Variants in USP36 observed in about 807,000 individuals in gnomAD.
The protein encoded by USP36 is ubiquitin carboxyl-terminal hydrolase 36.
USP36 carries 59 observed loss-of-function variants against 111.5 expected under a neutral mutation model. The observed-to-expected ratio is 0.53, with a 90% confidence interval of 0.43 to 0.66. USP36 has a LOEUF of 0.66. USP36 is among the 30% of genes least tolerant of loss of function. The pLI is 0.00. For synonymous variants in USP36, 628 were observed against 581.0 expected, an observed-to-expected ratio of 1.08 and a Z score of -1.16; for missense variants, 1,488 against 1,468.0, an observed-to-expected ratio of 1.01 and a Z score of -0.22.
In USP36 at chr17:78,807,523, T is replaced by C. The variant is rs1219767735; in HGVS notation, c.1521A>G (p.Pro507=). Residue 507 remains proline (P), a synonymous_variant, in exon 14 of 21, where the codon CCA becomes CCG. Transcript: ENST00000449938. ...GGGAAGGGGACCCCGAGGGCAGCTT[T>C]GGAGGAATGCAGCCGTTCTGGGACT... ...GLKSQNGCIP[P]KLPSGSPSPK... is the part of the protein sequence containing the mutation. The C allele has an allele frequency of 6.2e-7, 1 of 1,613,668 alleles. No homozygotes were observed. Among genetic ancestry groups the C allele is most frequent in the Non-Finnish European group, 8.5e-7 (1 of 1,179,834 alleles).
chr17:78,814,360 T>C (rs1053573577), intron 11 of USP36, 52 bp downstream of exon 11: 6 of 1,606,102 alleles, frequency 3.7e-6, no homozygotes, highest in African/African-American at 1.3e-5. Flanking sequence ...TGGATGTGCA[T>C]GGGTGCTGAA....
chr17:78,840,555 G>C (rs1172474819), intron 1 of USP36, 181 bp downstream of exon 1: 3 of 152,272 alleles, frequency 2.0e-5, no homozygotes, highest in Non-Finnish European at 4.4e-5. Flanking sequence ...GCTCGCGAGC[G>C]GGCGGAGCAT....
chr17:78,828,631 A>C (rs2067797076), intron 5 of USP36, among the ~76,000 whole-genome samples: 2 of 152,098 alleles, frequency 1.3e-5, no homozygotes, highest in Non-Finnish European at 2.9e-5. Flanking sequence ...GATTCCCAAG[A>C]CTTCATCCAT....
At chr17:78,819,554 C>T (rs966653274) in intron 9 of USP36, among the ~76,000 whole-genome samples, 3 of 152,270 alleles carry the variant, frequency 2.0e-5, no homozygotes, top group East Asian at 3.8e-4. Context: ...CTGGGGCGGC[C>T]GCCCGGTGCC....
downstream of USP36, chr17:78,792,151 G>A (rs2093589114): frequency 6.6e-6 from 1 of 152,392 alleles, no homozygotes; most frequent in Non-Finnish European, 1.5e-5. Context: ...GCTAGACTAA[G>A]AACCACAGAG....
downstream of USP36, among the ~76,000 whole-genome samples, chr17:78,791,474 C>CT (rs2093583841): frequency 1.3e-5 from 2 of 152,206 alleles, no homozygotes; most frequent in South Asian, 4.1e-4. Flanking sequence ...CCTGACCCTA[C>CT]TTTAATCCCT....
chr17:78,802,463 TCTTTTTTTC>T lies in USP36; in HGVS notation c.2874_2882del (p.Lys960_Lys962del). Reference sequence around the variant, plus strand: ...CTACTGCCCGCTGTGTCTCCTGCTTTCTTTTTTTCTTTTTCTTTTTCCTTGGAGACTCTT... The same window carrying T: ...CTACTGCCCGCTGTGTCTCCTGCTTTTTTTTCTTTTTCCTTGGAGACTCTT... On this transcript the variant is annotated inframe_deletion, in exon 17 of 21. Coordinates refer to ENST00000449938, the MANE Select transcript of USP36 (RefSeq NM_001385174.1). The T allele has an allele frequency of 6.3e-7, 1 of 1,580,958 alleles. No individual in the cohort carries two copies.
chr17:78,821,061 A>G lies in USP36; in HGVS notation c.758T>C (p.Val253Ala). Residue 253 changes from valine (V) to alanine (A), a missense_variant and splice_region_variant, in exon 8 of 21, where the codon GTG becomes GCG. Physicochemically the swap from Val to Ala is moderately conservative, Grantham distance 64. Around this residue, in one of 3 missense-constraint regions of USP36, gnomAD observed 196 missense variants for 264.4 expected, o/e 0.74. Transcript: ENST00000449938. Reference sequence around the variant, plus strand: ...GACGCTCTTGCACACGGAGCACTTCACTGCAACAGAACAGAGGCAGTGGAG... The same window carrying G: ...GACGCTCTTGCACACGGAGCACTTCGCTGCAACAGAACAGAGGCAGTGGAG... Reference protein sequence around the residue: ...QIFGGYLRSRVKCSVCKSVSD... With the variant: ...QIFGGYLRSRAKCSVCKSVSD... 1 of 1,599,458 alleles carries G rather than the reference A, an allele frequency of 6.3e-7. No homozygotes were observed. Among genetic ancestry groups the G allele is most frequent in the Middle Eastern group, 1.7e-4 (1 of 6,054 alleles).
intron 10 of USP36, among the ~76,000 whole-genome samples, chr17:78,816,542 C>T (rs1347969142): frequency 2.6e-5 from 4 of 151,918 alleles, no homozygotes; most frequent in Admixed American, 1.3e-4. Flanking sequence ...AGGAGAATCG[C>T]TTGAACTTGG....
rs564116537 is a variant in USP36, at chr17:78,799,324, A to C, written c.3125-301T>G. Among the ~76,000 whole-genome samples, 4 of 152,280 alleles carry C rather than the reference A, an allele frequency of 2.6e-5. No homozygotes were observed. The South Asian group carries it at 8.3e-4, about 32-fold the overall frequency. ...ATGTCATGTTTGGTCTCGAAGTCTG[A>C]ATAAAAACATGCTCTGAGCAAGAAG... On this transcript the variant is annotated intron_variant, in intron 18 of 20. Transcript: ENST00000449938.
At position 78,840,746 on chromosome 17, in the gene USP36, C is replaced by T. The variant is rs891539313; in HGVS notation, c.-184G>A. On this transcript the variant is annotated 5_prime_UTR_variant, in exon 1 of 21. Transcript: ENST00000449938. ...CCGACCCCAGCCTACCCCGGCCTCT[C>T]CGCGGGCGCGCCACAAGCCTACGCA... The T allele has an allele frequency of 6.6e-6, 1 of 152,598 alleles. No individual in the cohort carries two copies. The highest frequency in any genetic ancestry group is 1.5e-5 in the Non-Finnish European group (1 of 68,406). 9.5% of individuals were successfully genotyped at this position (152,598 alleles called of 1,614,324 possible).
rs113586045 is a variant in USP36, at chr17:78,797,510, C to A, written c.*390G>T. On this transcript the variant is annotated 3_prime_UTR_variant, in exon 21 of 21. Transcript: ENST00000449938. The stretch of plus-strand genomic sequence containing the variant: ...GAGCCACCAGCTATGCACCGGGAGA[C>A]CACCTGGGGGACATGTGGCCACCAT... 0.01 allele frequency: 1,592 copies of A among 152,490 alleles called. 12 individuals carry two copies. Among genetic ancestry groups the A allele is most frequent in the Admixed American group, 0.017 (261 of 15,298 alleles). 9.4% of individuals were successfully genotyped at this position (152,490 alleles called of 1,614,324 possible).
At chr17:78,814,712 G>A (rs890100853) in intron 10 of USP36, among the ~76,000 whole-genome samples, 160 bp from the exon 11 acceptor site, 2 of 152,158 alleles carry the variant, frequency 1.3e-5, no homozygotes, top group Non-Finnish European at 2.9e-5. Context: ...CAGCACTTTG[G>A]GAGGCTGAGG....
intron 6 of USP36, among the ~76,000 whole-genome samples, chr17:78,825,591 C>T (rs956009664): frequency 5.3e-5 from 8 of 152,158 alleles, no homozygotes; most frequent in South Asian, 2.1e-4. Context: ...ATGCCCAGAC[C>T]GCAGACCTGC....
At chr17:78,793,546 G>A (rs528472457), downstream of USP36, among the ~76,000 whole-genome samples, 2 of 152,184 alleles carry the variant, frequency 1.3e-5, no homozygotes, top group Non-Finnish European at 2.9e-5. Context: ...CCGGGCAAGA[G>A]TGTGACTCCA....
chr17:78,809,142 C>A (rs555410980), intron 13 of USP36, among the ~76,000 whole-genome samples: 1 of 152,278 alleles, frequency 6.6e-6, no homozygotes, highest in South Asian at 2.1e-4. Flanking sequence ...CAAATGTTAA[C>A]CTTTTGTTGA....
chr17:78,812,995 T>C lies in USP36; in HGVS notation c.1272A>G (p.Pro424=), dbSNP rs1469594215. Residue 424 remains proline (P), a synonymous_variant, in exon 13 of 21, where the codon CCA becomes CCG. Coordinates refer to ENST00000449938, the MANE Select transcript of USP36 (RefSeq NM_001385174.1). The stretch of plus-strand genomic sequence containing the variant: ...GGCCCTCGGGACTTTTCTTAGAGCC[T>C]GGAATTCTGTCAAAGGAAGAAAACA... ...QAYVLFYLRI[P]GSKKSPEGLI... 3 of 1,613,822 alleles carry C rather than the reference T, an allele frequency of 1.9e-6. No homozygotes were observed. Among genetic ancestry groups the C allele is most frequent in the Non-Finnish European group, 2.5e-6 (3 of 1,179,932 alleles).
chr17:78,795,190 G>A (rs1253423734), downstream of USP36, among the ~76,000 whole-genome samples: 2 of 152,134 alleles, frequency 1.3e-5, no homozygotes, highest in Non-Finnish European at 2.9e-5. The surrounding 1 kb of genome is among the most constrained non-coding windows in gnomAD (Gnocchi z 4.5). Context: ...TCAGCAGTGT[G>A]CCCTGCTCTC....
chr17:78,807,435 T>C lies in USP36; in HGVS notation c.1609A>G (p.Lys537Glu), dbSNP rs1317449309. 6 of 1,614,016 alleles carry C rather than the reference T, an allele frequency of 3.7e-6. No homozygotes were observed. The highest frequency in any genetic ancestry group is 2.2e-5 in the East Asian group (1 of 44,890). ...AAGTGCTGTGGAGGAGCTGGCTTCT[T>C]CACCTTCTTTCCAGGGTCGTCTAGG... ...TILDDPGKKV[K>E]KPAPPQHFSP... The change falls in exon 14 of 21, where the codon AAG becomes GAG. Residue 537 changes from lysine (K) to glutamate (E), a missense_variant. Lys to Glu is a moderately conservative substitution (Grantham distance 56). This residue lies in a region of USP36 where 1,073 missense variants were observed against 994.1 expected (regional missense o/e 1.08). Transcript: ENST00000449938.
Sources: allele counts gnomAD v4.1 joint callset (sites outside exome capture counted in the v4.1 genomes callset), GRCh38; gene constraint gnomAD v4.1.1; regional missense constraint gnomAD v4.1.1; non-coding constraint Gnocchi (gnomAD v3.1); transcripts MANE v1.5; gene names NCBI Gene and HGNC (gene_info 2026-07-23, HGNC 2026-07-21).